The following DLG2 variants were observed in gnomAD, a reference collection of about 807,000 sequenced individuals.
DLG2 encodes disks large homolog 2.
Under a neutral mutation model 132.5 loss-of-function variants are expected in DLG2, and 45 were observed. The ratio of observed to expected loss-of-function variants is 0.34; its 90% CI spans 0.27 to 0.44. DLG2 has a LOEUF of 0.44. Among genes scored for constraint, DLG2 ranks in the 20% least tolerant of loss-of-function variants. The probability of loss-of-function intolerance (pLI) is 1.00; values close to 1 mark genes in which losing one functional copy is unlikely to be tolerated. For missense variants in DLG2, 1,045 were observed against 1,196.9 expected, an observed-to-expected ratio of 0.87 and a Z score of 1.87; for synonymous variants, 424 against 419.6, an observed-to-expected ratio of 1.01 and a Z score of -0.13.
At chr11:84,142,905 C>T (rs2094916470) in intron 9 of DLG2, among the ~76,000 whole-genome samples, 1 of 152,052 alleles carries the variant, frequency 6.6e-6, no homozygotes, top group African/African-American at 2.4e-5. Context: ...TCCATAATTA[C>T]ATAAGCCAAT....
At chr11:84,606,594 T>A (rs1008136704) in intron 6 of DLG2, among the ~76,000 whole-genome samples, 3 of 152,094 alleles carry the variant, frequency 2.0e-5, no homozygotes, top group Non-Finnish European at 4.4e-5. Context: ...AATTGATGGA[T>A]TAAATGGCAA....
intron 7 of DLG2, among the ~76,000 whole-genome samples, chr11:84,467,638 G>A (rs1397189289): frequency 2.6e-5 from 4 of 151,434 alleles, no homozygotes; most frequent in South Asian, 2.1e-4. Flanking sequence ...CCAAATGAAT[G>A]CATGAACCAT....
chr11:85,454,660 T>C (rs1229513081), intron 3 of DLG2, among the ~76,000 whole-genome samples: 1 of 152,152 alleles, frequency 6.6e-6, no homozygotes, highest in East Asian at 1.9e-4. Flanking sequence ...TTTTTATAGT[T>C]TTAGGTTTTA....
intron 8 of DLG2, among the ~76,000 whole-genome samples, chr11:84,196,409 G>C (rs1028389699): frequency 6.6e-6 from 1 of 152,140 alleles, no homozygotes; most frequent in African/African-American, 2.4e-5. Flanking sequence ...AGAAAGTGTT[G>C]AGCGGCCAAA....
At chr11:85,354,782 T>A (rs989479966) in intron 3 of DLG2, among the ~76,000 whole-genome samples, 1 of 151,666 alleles carries the variant, frequency 6.6e-6, no homozygotes, top group Non-Finnish European at 1.5e-5. Context: ...TGTGCACACT[T>A]ACCCATTCTT....
chr11:85,166,440 G>T (rs1410925700), intron 4 of DLG2, among the ~76,000 whole-genome samples: 1 of 151,546 alleles, frequency 6.6e-6, no homozygotes, highest in Non-Finnish European at 1.5e-5. Context: ...ACCCAATTTG[G>T]CTACCTGGCT....
intron 6 of DLG2, among the ~76,000 whole-genome samples, chr11:85,028,156 G>A (rs995112346): frequency 6.6e-6 from 1 of 152,094 alleles, no homozygotes; most frequent in African/African-American, 2.4e-5. Context: ...CTTTCTGCAG[G>A]CAGGTTGTCC....
intron 15 of DLG2, among the ~76,000 whole-genome samples, chr11:83,899,140 TAC>T (rs1484759540): frequency 1.3e-5 from 2 of 152,128 alleles, no homozygotes; most frequent in African/African-American, 4.8e-5. Flanking sequence ...ATACATGACT[TAC>T]TCTTGTTGCT....
chr11:83,989,111 A>G (rs1349161092), intron 11 of DLG2, among the ~76,000 whole-genome samples: 1 of 152,104 alleles, frequency 6.6e-6, no homozygotes, highest in Non-Finnish European at 1.5e-5. Context: ...TCCCCCCTTA[A>G]AGATGAAATT....
chr11:84,206,759 T>C (rs1404948851), intron 8 of DLG2, among the ~76,000 whole-genome samples: 2 of 151,974 alleles, frequency 1.3e-5, no homozygotes, highest in Non-Finnish European at 2.9e-5. Flanking sequence ...ATGGACATTA[T>C]AATGGACAAA....
chr11:85,004,094 C>T (rs935672947), intron 6 of DLG2, among the ~76,000 whole-genome samples: 4 of 152,112 alleles, frequency 2.6e-5, no homozygotes, highest in Non-Finnish European at 4.4e-5. Context: ...TCTATATGTG[C>T]CACATTTTCT....
At chr11:84,964,795 C>A (rs902474874) in intron 6 of DLG2, among the ~76,000 whole-genome samples, 1 of 151,990 alleles carries the variant, frequency 6.6e-6, no homozygotes, top group Non-Finnish European at 1.5e-5. Context: ...CAGGAGCCTA[C>A]CCCAGGTCTT....
At chr11:83,766,396 C>CTTTTTTTTTT (rs35039524) in intron 18 of DLG2, among the ~76,000 whole-genome samples, 1 of 132,414 alleles carries the variant, frequency 7.6e-6, no homozygotes, top group Non-Finnish European at 1.6e-5. Context: ...CCTGGCCTGC[C>CTTTTTTTTTT]TTTTTTTTTT....
chr11:83,780,802 A>G (rs2094784868), intron 18 of DLG2, among the ~76,000 whole-genome samples: 1 of 152,170 alleles, frequency 6.6e-6, no homozygotes, highest in Non-Finnish European at 1.5e-5. Flanking sequence ...CTGAGCCATG[A>G]CCAATCATTG....
intron 8 of DLG2, among the ~76,000 whole-genome samples, chr11:84,193,786 T>C (rs115030055): frequency 3.9e-5 from 6 of 152,200 alleles, no homozygotes; most frequent in Non-Finnish European, 7.3e-5. Flanking sequence ...AGAAATATCA[T>C]CCTTTGTTAC....
intron 6 of DLG2, among the ~76,000 whole-genome samples, chr11:84,930,399 T>C (rs1454118902): frequency 6.6e-6 from 1 of 152,040 alleles, no homozygotes; most frequent in Non-Finnish European, 1.5e-5. Flanking sequence ...AACTGACAGA[T>C]TGGTGAGCAG....
At chr11:83,884,133 G>T (rs2067100079) in intron 15 of DLG2, among the ~76,000 whole-genome samples, 1 of 152,222 alleles carries the variant, frequency 6.6e-6, no homozygotes, top group Admixed American at 6.5e-5. Context: ...GCCGAAGCAG[G>T]GCGAGGCATT....
At position 83,654,087 on chromosome 11, in the gene DLG2, A is replaced by T. The variant is rs139353264; in HGVS notation, c.1826-20762T>A. 6.5e-4 allele frequency among the ~76,000 whole-genome samples: 99 copies of T among 152,216 alleles called. 1 individual carries two copies. The highest frequency in any genetic ancestry group is 2.4e-3 in the African/African-American group (98 of 41,536). The stretch of plus-strand genomic sequence containing the variant: ...GCTGAATTTATTCTATTCTGTGGAT[A>T]AGACTGGCTGCCCACCAGTCTGGAA... On this transcript the variant is annotated intron_variant, in intron 18 of 27. Coordinates refer to ENST00000376104, the MANE Select transcript of DLG2 (RefSeq NM_001142699.3).
At chr11:83,701,169 T>C (rs1177994297) in intron 18 of DLG2, among the ~76,000 whole-genome samples, 1 of 152,022 alleles carries the variant, frequency 6.6e-6, no homozygotes, top group Non-Finnish European at 1.5e-5. Context: ...TTAGTTATGG[T>C]GGTTGAAAAT....
Sources: gnomAD v4.1 joint callset for allele counts (sites outside exome capture counted in the v4.1 genomes callset) on GRCh38, gnomAD v4.1.1 for gene constraint, MANE v1.5 for transcripts, NCBI Gene and HGNC (gene_info 2026-07-23, HGNC 2026-07-21) for gene names.